ROS1: variants seen among roughly 807,000 people sequenced by gnomAD.
The protein encoded by ROS1 is proto-oncogene tyrosine-protein kinase ROS.
ROS1 carries 263 observed loss-of-function variants against 273.5 expected under a neutral mutation model. That is an observed-to-expected ratio of 0.96 (90% CI 0.87 to 1.06). The LOEUF is 1.06. ROS1 is among the 50% of genes least tolerant of loss of function. The probability of loss-of-function intolerance (pLI) is 0.00; values close to 1 mark genes in which losing one functional copy is unlikely to be tolerated. For synonymous variants in ROS1, 1,008 were observed against 954.1 expected (o/e 1.06, Z -1.04); for missense variants, 2,833 against 2,751.1 (o/e 1.03, Z -0.67).
At chr6:117,306,457 A>G (rs1775110160) in intron 42 of ROS1, among the ~76,000 whole-genome samples, 1 of 152,048 alleles carries the variant, frequency 6.6e-6, no homozygotes, top group African/African-American at 2.4e-5. Flanking sequence ...TCTTCTCAGG[A>G]GTGGTGTGGT....
chr6:117,288,743 C>T lies in ROS1; in HGVS notation c.6775G>A (p.Glu2259Lys), dbSNP rs201673653. 1 of 1,613,824 alleles carries T rather than the reference C, an allele frequency of 6.2e-7. No homozygotes were observed. Among genetic ancestry groups the T allele is most frequent in the East Asian group, 2.2e-5 (1 of 44,876 alleles). The change falls in exon 44 of 44, where the codon GAA (glutamate) becomes AAA (lysine). Residue 2259 changes from glutamate (E) to lysine (K), a missense_variant. By Grantham distance (56) the Glu-to-Lys change is moderately conservative. Transcript: ENST00000368507. ...TTTAACCCTTCTCGGTTCTTCGTTT[C>T]CATTAAAGCAACTGGCATAATGTCA... ...SDDIMPVALM[E>K]TKNREGLNYM...
intron 17 of ROS1, among the ~76,000 whole-genome samples, chr6:117,380,262 A>G (rs993300179): frequency 1.3e-5 from 2 of 152,160 alleles, no homozygotes; most frequent in African/African-American, 4.8e-5. Flanking sequence ...ATGTGAAAAG[A>G]CTACAATAAG....
intron 27 of ROS1, among the ~76,000 whole-genome samples, chr6:117,345,967 A>G (rs1778339291): frequency 6.6e-6 from 1 of 152,196 alleles, no homozygotes; most frequent in Non-Finnish European, 1.5e-5. Context: ...GGCACTGTGA[A>G]CCTAAGTTTG....
In ROS1 at chr6:117,418,488, C is replaced by T. The variant is rs758251496; in HGVS notation, c.142G>A (p.Gly48Ser). Residue 48 changes from glycine (G) to serine (S), a missense_variant, in exon 2 of 44, where the codon GGC becomes AGC. Physicochemically the swap from Gly to Ser is moderately conservative, Grantham distance 56. Coordinates refer to ENST00000368507, the MANE Select transcript of ROS1 (RefSeq NM_001378902.1). ...GGTTCACTCAGATTATGTGGTGTGC[C>T]AAGGTCAAGCTGCTGGCCCTGAAAT... ...VTNLGQQLDL[G>S]TPHNLSEPCI... The T allele has an allele frequency of 3.7e-6, 6 of 1,601,764 alleles. No homozygotes were observed. The African/African-American group carries it at 5.4e-5, about 14-fold the overall frequency.
intron 1 of ROS1, 103 bp from the exon 2 acceptor site, chr6:117,418,609 G>T: frequency 1.3e-6 from 1 of 742,406 alleles, no homozygotes; most frequent in Non-Finnish European, 2.1e-6. Flanking sequence ...TGCCTCCTCC[G>T]CATTTTGTAA....
At chr6:117,316,522 C>T (rs1022358275) in intron 39 of ROS1, among the ~76,000 whole-genome samples, 1 of 152,080 alleles carries the variant, frequency 6.6e-6, no homozygotes, top group African/African-American at 2.4e-5. Context: ...GTCCGCCATT[C>T]CACAGTATTT....
intron 1 of ROS1, 144 bp downstream of exon 1, chr6:117,425,390 G>GA (rs1179558084): frequency 4.0e-5 from 29 of 721,090 alleles, no homozygotes; most frequent in Non-Finnish European, 5.2e-5. Context: ...ACTTATTTAA[G>GA]AAAAAATAAT....
At chr6:117,393,186 A>C (rs1237969125) in intron 12 of ROS1, 38 bp downstream of exon 12, 1 of 1,169,064 alleles carries the variant, frequency 8.6e-7, no homozygotes, top group Non-Finnish European at 1.3e-6. Flanking sequence ...ATTTATTCCC[A>C]ATGGAAGAGA....
At chr6:117,296,898 A>G (rs192958724) in intron 43 of ROS1, among the ~76,000 whole-genome samples, 1 of 152,302 alleles carries the variant, frequency 6.6e-6, no homozygotes, top group African/African-American at 2.4e-5. Flanking sequence ...CCTGTATCAA[A>G]ACATCTCATG....
chr6:117,372,197 TG>T (rs1398063072), intron 18 of ROS1, among the ~76,000 whole-genome samples: 2 of 152,134 alleles, frequency 1.3e-5, no homozygotes, highest in African/African-American at 2.4e-5. Flanking sequence ...AAGACAAGGA[TG>T]CCCAGTCACA....
chr6:117,392,125 A>G (rs1035308898), intron 12 of ROS1, among the ~76,000 whole-genome samples: 1 of 152,188 alleles, frequency 6.6e-6, no homozygotes, highest in African/African-American at 2.4e-5. Context: ...ATTTCATAGG[A>G]CCGTAGACCT....
intron 27 of ROS1, among the ~76,000 whole-genome samples, chr6:117,350,325 T>C (rs1352939461): frequency 6.6e-6 from 1 of 152,092 alleles, no homozygotes; most frequent in African/African-American, 2.4e-5. Flanking sequence ...TTCTTGCTTA[T>C]ATAGTTTCTG....
intron 34 of ROS1, among the ~76,000 whole-genome samples, chr6:117,325,609 T>C (rs508278): frequency 0.16 from 24,621 of 151,878 alleles, 2,096 homozygotes; most frequent in East Asian, 0.22. Context: ...TATGCGTAAG[T>C]CAAGGGCACA....
At chr6:117,334,022 G>T (rs1777285659) in intron 32 of ROS1, among the ~76,000 whole-genome samples, 1 of 152,086 alleles carries the variant, frequency 6.6e-6, no homozygotes, top group African/African-American at 2.4e-5. Flanking sequence ...AAGAAATAAA[G>T]GGTATTCAAA....
chr6:117,322,280 G>A (rs908180798), intron 35 of ROS1, among the ~76,000 whole-genome samples: 7 of 151,934 alleles, frequency 4.6e-5, no homozygotes, highest in African/African-American at 9.7e-5. Context: ...TCACCACCTC[G>A]CTTCACTTTT....
chr6:117,345,580 A>G (rs776047460), intron 27 of ROS1, among the ~76,000 whole-genome samples: 1 of 152,210 alleles, frequency 6.6e-6, no homozygotes, highest in African/African-American at 2.4e-5. Context: ...TTATGAATTC[A>G]TATTAGCCAC....
At position 117,344,280 on chromosome 6, in the gene ROS1, C is replaced by T; in HGVS notation, c.4304-18G>A. On this transcript the variant is annotated intron_variant, in intron 27 of 43. Transcript: ENST00000368507. ...CGCTTTATCTAAAATAAGAAGAAAC[C>T]AAAAGATTAAATATCTATACTATAT... is the stretch of plus-strand genomic sequence containing the variant. The T allele has an allele frequency of 6.3e-7, 1 of 1,579,622 alleles. No homozygotes were observed.
At chr6:117,315,483 G>A (rs1317482580) in intron 39 of ROS1, among the ~76,000 whole-genome samples, 1 of 152,002 alleles carries the variant, frequency 6.6e-6, no homozygotes, top group Admixed American at 6.6e-5. Context: ...ACAGACCACT[G>A]ATAATAAGCT....
At chr6:117,293,549 A>G (rs753786555) in intron 43 of ROS1, among the ~76,000 whole-genome samples, 5 of 152,122 alleles carry the variant, frequency 3.3e-5, no homozygotes, top group Non-Finnish European at 5.9e-5. Flanking sequence ...TACTTTTTAG[A>G]CTGCTTAAGT....
Sources: allele counts gnomAD v4.1 joint callset (sites outside exome capture counted in the v4.1 genomes callset), GRCh38; gene constraint gnomAD v4.1.1; transcripts MANE v1.5; gene names NCBI Gene and HGNC (gene_info 2026-07-23, HGNC 2026-07-21).